ZNF892: variants seen among roughly 807,000 people sequenced by gnomAD.
ZNF892 encodes zinc finger protein 892, also known as zinc finger protein 570-like.
the ZNF892 span, among the ~76,000 whole-genome samples, chr2:95,216,060 C>G: frequency 6.6e-6 from 1 of 152,084 alleles, no homozygotes; most frequent in Admixed American, 6.5e-5. Flanking sequence ...AGTTGTCCTT[C>G]ATTCTTAAGT....
At chr2:95,245,245 ATTTTTTTTT>A in the ZNF892 span, among the ~76,000 whole-genome samples, 2 of 77,740 alleles carry the variant, frequency 2.6e-5, no homozygotes, top group African/African-American at 5.5e-5. Context: ...CCTGGAGCTG[ATTTTTTTTT>A]TTTTTTTTTT....
the ZNF892 span, among the ~76,000 whole-genome samples, chr2:95,260,340 G>A: frequency 6.6e-6 from 1 of 152,032 alleles, no homozygotes; most frequent in South Asian, 2.1e-4. Flanking sequence ...CACTGACTTT[G>A]AAACAGTGTC....
chr2:95,251,468 C>G, the ZNF892 span, among the ~76,000 whole-genome samples: 1 of 152,192 alleles, frequency 6.6e-6, no homozygotes, highest in Admixed American at 6.5e-5. Context: ...CATTAGTTAG[C>G]CTTTCTTGGA....
chr2:95,231,454 T>A, the ZNF892 span, among the ~76,000 whole-genome samples: 1 of 152,152 alleles, frequency 6.6e-6, no homozygotes, highest in Non-Finnish European at 1.5e-5. Flanking sequence ...TTATCCTGAT[T>A]GGGGTGTGCA....
At chr2:95,226,188 A>T in the ZNF892 span, among the ~76,000 whole-genome samples, 1 of 152,322 alleles carries the variant, frequency 6.6e-6, no homozygotes, top group African/African-American at 2.4e-5. Flanking sequence ...CCTCTGCCCC[A>T]GGCTGTTCAT....
the ZNF892 span, among the ~76,000 whole-genome samples, chr2:95,245,199 A>G: frequency 6.6e-6 from 1 of 152,140 alleles, no homozygotes; most frequent in African/African-American, 2.4e-5. Flanking sequence ...ACCGAAGGAG[A>G]AAGAGACATG....
the ZNF892 span, among the ~76,000 whole-genome samples, chr2:95,220,188 C>T: frequency 6.6e-6 from 1 of 152,254 alleles, no homozygotes; most frequent in South Asian, 2.1e-4. Flanking sequence ...CTTGTTACAG[C>T]CTGGTGAGGG....
At chr2:95,237,275 G>A in the ZNF892 span, among the ~76,000 whole-genome samples, 1 of 151,848 alleles carries the variant, frequency 6.6e-6, no homozygotes, top group Admixed American at 6.6e-5. Flanking sequence ...AGTCTCCCGA[G>A]TAGCTGGGAC....
the ZNF892 span, among the ~76,000 whole-genome samples, chr2:95,227,783 A>T: frequency 6.8e-6 from 1 of 146,204 alleles, no homozygotes; most frequent in Non-Finnish European, 1.5e-5. Flanking sequence ...CATCCAAGTG[A>T]TTTTTTTTTT....
chr2:95,214,078 T>A, the ZNF892 span, among the ~76,000 whole-genome samples: 9 of 152,168 alleles, frequency 5.9e-5, no homozygotes, highest in Admixed American at 5.9e-4. Context: ...TTATTTCCTA[T>A]CCTGCTGCAT....
the ZNF892 span, among the ~76,000 whole-genome samples, chr2:95,256,469 G>T: frequency 6.6e-6 from 1 of 152,138 alleles, no homozygotes; most frequent in East Asian, 1.9e-4. Flanking sequence ...TTCCCTTTGT[G>T]GGTAACCCGA....
the ZNF892 span, among the ~76,000 whole-genome samples, chr2:95,253,515 C>T: frequency 4.6e-5 from 7 of 152,216 alleles, no homozygotes; most frequent in South Asian, 2.1e-4. Context: ...AGTCAGGTCG[C>T]GAGATGCCTC....
the ZNF892 span, among the ~76,000 whole-genome samples, chr2:95,220,758 A>AT: frequency 6.6e-6 from 1 of 152,220 alleles, no homozygotes; most frequent in Admixed American, 6.5e-5. Flanking sequence ...AGCCTGCTTC[A>AT]TCTAGCTTTG....
At chr2:95,255,527 G>T in the ZNF892 span, among the ~76,000 whole-genome samples, 1 of 152,160 alleles carries the variant, frequency 6.6e-6, no homozygotes, top group Admixed American at 6.5e-5. Flanking sequence ...AATAGGTGTG[G>T]TGTGGTGCTG....
At chr2:95,249,585 C>G in the ZNF892 span, among the ~76,000 whole-genome samples, 90 of 152,034 alleles carry the variant, frequency 5.9e-4, 2 homozygotes, top group African/African-American at 1.8e-3. Flanking sequence ...CTTTCTTTTA[C>G]AGAGCAACCT....
chr2:95,255,212 A>T, the ZNF892 span, among the ~76,000 whole-genome samples: 1 of 151,914 alleles, frequency 6.6e-6, no homozygotes, highest in Non-Finnish European at 1.5e-5. Flanking sequence ...TCTTGTGGGC[A>T]TTTAGTGCTA....
chr2:95,216,288 CT>C, the ZNF892 span, among the ~76,000 whole-genome samples: 7 of 152,168 alleles, frequency 4.6e-5, no homozygotes, highest in African/African-American at 1.7e-4. Context: ...TGCTTTTGGA[CT>C]TTTTGTCTTT....
At chr2:95,217,552 A>C in the ZNF892 span, among the ~76,000 whole-genome samples, 1 of 152,218 alleles carries the variant, frequency 6.6e-6, no homozygotes, top group Non-Finnish European at 1.5e-5. Flanking sequence ...AACCTGTGAA[A>C]CCAAACAAGT....
the ZNF892 span, among the ~76,000 whole-genome samples, chr2:95,243,578 C>T: frequency 5.9e-4 from 90 of 151,712 alleles, 2 homozygotes; most frequent in East Asian, 9.8e-3. Context: ...GCCTGGCAAC[C>T]GCCCCGTCTG....
Sources: allele counts gnomAD v4.1 joint callset (sites outside exome capture counted in the v4.1 genomes callset), GRCh38; gene constraint gnomAD v4.1.1; transcripts MANE v1.5; gene names NCBI Gene and HGNC (gene_info 2026-07-23, HGNC 2026-07-21).